Variants in TTC28 observed in about 807,000 individuals in gnomAD.
The protein encoded by TTC28 is tetratricopeptide repeat domain 28, also known as tetratricopeptide repeat protein 28.
TTC28 carries 61 observed loss-of-function variants against 198.0 expected under a neutral mutation model. The observed-to-expected ratio is 0.31, with a 90% CI of 0.25 to 0.38. The LOEUF (loss-of-function observed/expected upper bound fraction) is 0.38, where lower values mean the gene tolerates loss of function less well. Among genes scored for constraint, TTC28 ranks in the 10% least tolerant of loss-of-function variants. The probability of loss-of-function intolerance (pLI) is 1.00; values close to 1 mark genes in which losing one functional copy is unlikely to be tolerated. For missense variants in TTC28, 2,678 were observed against 3,164.0 expected (o/e 0.85, Z 3.69); for synonymous variants, 1,171 against 1,297.8 (o/e 0.90, Z 2.10).
At chr22:28,011,237 C>T (rs1938147975) in intron 14 of TTC28, among the ~76,000 whole-genome samples, 1 of 152,208 alleles carries the variant, frequency 6.6e-6, no homozygotes, top group South Asian at 2.1e-4. Context: ...TTCACATGGA[C>T]TCAGTGTAGT....
chr22:28,206,193 A>G (rs185909028), intron 5 of TTC28, among the ~76,000 whole-genome samples: 1 of 152,288 alleles, frequency 6.6e-6, no homozygotes, highest in Non-Finnish European at 1.5e-5. Context: ...ACAACAGCCA[A>G]TGATCACAGA....
chr22:28,538,445 A>G (rs2049340475), intron 2 of TTC28, among the ~76,000 whole-genome samples: 1 of 152,034 alleles, frequency 6.6e-6, no homozygotes, highest in Non-Finnish European at 1.5e-5. Context: ...AGAAACTGGT[A>G]ATGCGTGTTG....
intron 1 of TTC28, among the ~76,000 whole-genome samples, chr22:28,675,735 TCA>T (rs71316854): frequency 0.042 from 5,657 of 135,028 alleles, 141 homozygotes; most frequent in African/African-American, 0.075. Context: ...TGAAACCCTG[TCA>T]CACACACACA....
At chr22:28,273,111 G>A (rs2145712348) in intron 5 of TTC28, among the ~76,000 whole-genome samples, 1 of 152,206 alleles carries the variant, frequency 6.6e-6, no homozygotes, top group Admixed American at 6.5e-5. Context: ...ATGAAACCCA[G>A]CTCTGAAATA....
chr22:28,221,069 G>A lies in TTC28; in HGVS notation c.934-57470C>T, dbSNP rs914187834. ...TTAAGAATTAACAGGGACTCACAACGAGCAGGTGACGATGGTGTGGCTCCA... is the reference window on the plus strand; with the variant it reads ...TTAAGAATTAACAGGGACTCACAACAAGCAGGTGACGATGGTGTGGCTCCA... On this transcript the variant is annotated intron_variant, in intron 5 of 22. Coordinates refer to ENST00000397906, the MANE Select transcript of TTC28 (RefSeq NM_001145418.2). Among the ~76,000 whole-genome samples the A allele has an allele frequency of 5.9e-5, 9 of 152,296 alleles. No homozygotes were observed. The South Asian group carries it at 6.2e-4, about 11-fold the overall frequency.
chr22:28,345,239 G>A (rs986353075), intron 2 of TTC28, among the ~76,000 whole-genome samples: 1 of 151,992 alleles, frequency 6.6e-6, no homozygotes, highest in Admixed American at 6.6e-5. Flanking sequence ...GAACCACAAA[G>A]GAATATGTCA....
chr22:28,349,381 C>A (rs1018308680), intron 2 of TTC28, among the ~76,000 whole-genome samples: 1 of 152,174 alleles, frequency 6.6e-6, no homozygotes, highest in Non-Finnish European at 1.5e-5. Context: ...TTTAAATGGA[C>A]ATTGCTCAGT....
chr22:28,314,777 G>A (rs1432097390), intron 2 of TTC28, among the ~76,000 whole-genome samples: 3 of 152,106 alleles, frequency 2.0e-5, no homozygotes, highest in Non-Finnish European at 2.9e-5. Flanking sequence ...GGAAGCTAAG[G>A]TGGGAGAATT....
At chr22:28,300,440 C>T (rs1485697949) in intron 3 of TTC28, among the ~76,000 whole-genome samples, 3 of 151,900 alleles carry the variant, frequency 2.0e-5, no homozygotes, top group East Asian at 1.9e-4. Flanking sequence ...CACAGAAATA[C>T]GTGGAAGATT....
chr22:28,460,937 G>A (rs940647670), intron 2 of TTC28, among the ~76,000 whole-genome samples: 1 of 152,052 alleles, frequency 6.6e-6, no homozygotes, highest in Non-Finnish European at 1.5e-5. Flanking sequence ...TCCGACCTTG[G>A]CTTATCAAAA....
intron 1 of TTC28, among the ~76,000 whole-genome samples, chr22:28,672,329 A>G (rs1262255196): frequency 6.6e-6 from 1 of 151,942 alleles, no homozygotes; most frequent in Non-Finnish European, 1.5e-5. Context: ...CACCATGCAC[A>G]GCTACTTTTT....
intron 2 of TTC28, among the ~76,000 whole-genome samples, chr22:28,351,904 C>T (rs2046002027): frequency 6.6e-6 from 1 of 152,106 alleles, no homozygotes; most frequent in Admixed American, 6.6e-5. Context: ...TTCACTGATT[C>T]TGTCTAAGAA....
intron 3 of TTC28, among the ~76,000 whole-genome samples, chr22:28,300,117 C>T (rs1461880714): frequency 6.6e-6 from 1 of 152,212 alleles, no homozygotes; most frequent in African/African-American, 2.4e-5. Context: ...CCTCCACCAC[C>T]AGAACAAATT....
chr22:28,348,743 C>A (rs955546171), intron 2 of TTC28, among the ~76,000 whole-genome samples: 16 of 152,202 alleles, frequency 1.1e-4, no homozygotes, highest in Non-Finnish European at 2.2e-4. Flanking sequence ...ATACTCCCTG[C>A]TCAAGTGAAC....
intron 2 of TTC28, among the ~76,000 whole-genome samples, chr22:28,479,598 A>G (rs1051196487): frequency 3.3e-5 from 5 of 152,208 alleles, no homozygotes; most frequent in African/African-American, 9.6e-5. Context: ...ATCTCTAGTT[A>G]TTAGAGCTGA....
intron 5 of TTC28, among the ~76,000 whole-genome samples, chr22:28,257,738 A>C (rs2147290059): frequency 1.2e-5 from 1 of 84,812 alleles, no homozygotes; most frequent in South Asian, 5.1e-4. Context: ...TGGTAATAGA[A>C]CATATATATA....
At chr22:28,416,384 A>G (rs906662769) in intron 2 of TTC28, among the ~76,000 whole-genome samples, 26 of 152,242 alleles carry the variant, frequency 1.7e-4, no homozygotes, top group African/African-American at 5.5e-4. Flanking sequence ...ACAGTCTCAG[A>G]AGATACTGAT....
intron 2 of TTC28, among the ~76,000 whole-genome samples, chr22:28,356,052 A>G (rs2046073143): frequency 6.6e-6 from 1 of 152,242 alleles, no homozygotes; most frequent in Non-Finnish European, 1.5e-5. Flanking sequence ...CAAAAATGAT[A>G]TGATAGATTT....
intron 3 of TTC28, among the ~76,000 whole-genome samples, chr22:28,301,645 G>T (rs1282330909): frequency 6.6e-6 from 1 of 152,160 alleles, no homozygotes; most frequent in Non-Finnish European, 1.5e-5. Flanking sequence ...CTATGAAATG[G>T]TGTGTCACTT....
Sources: gnomAD v4.1 joint callset for allele counts (sites outside exome capture counted in the v4.1 genomes callset) on GRCh38, gnomAD v4.1.1 for gene constraint, MANE v1.5 for transcripts, NCBI Gene and HGNC (gene_info 2026-07-23, HGNC 2026-07-21) for gene names.